SEPTIN7: variants seen among roughly 807,000 people sequenced by gnomAD.
SEPTIN7 encodes septin 7.
A neutral mutation model predicts 63.3 loss-of-function variants in SEPTIN7; 10 were observed. That is an observed-to-expected ratio of 0.16 (90% CI 0.10 to 0.27). SEPTIN7 has a LOEUF of 0.27. Ranked by LOEUF, SEPTIN7 falls within the 10% of genes least tolerant of loss-of-function variation. The pLI is 1.00. For synonymous variants in SEPTIN7, 131 were observed against 165.3 expected (o/e 0.79, Z 1.59); for missense variants, 310 against 521.0 (o/e 0.59, Z 3.94).
At chr7:35,896,648 TGA>T (rs1020169799) in intron 11 of SEPTIN7, among the ~76,000 whole-genome samples, 41 of 152,322 alleles carry the variant, frequency 2.7e-4, no homozygotes, top group African/African-American at 9.1e-4. Context: ...TATTTACACT[TGA>T]AAATGTTTTT....
chr7:35,816,745 G>T (rs1012299899), intron 1 of SEPTIN7, among the ~76,000 whole-genome samples: 37 of 152,086 alleles, frequency 2.4e-4, no homozygotes, highest in African/African-American at 8.2e-4. Flanking sequence ...ACTTGTTATT[G>T]CCTGTGTTTT....
chr7:35,840,788 T>A (rs1280307645), intron 3 of SEPTIN7, among the ~76,000 whole-genome samples: 1 of 152,160 alleles, frequency 6.6e-6, no homozygotes, highest in African/African-American at 2.4e-5. Context: ...AGTATACACA[T>A]AACTATACCA....
At chr7:35,803,179 T>C in intron 1 of SEPTIN7, 1 of 946,274 alleles carries the variant, frequency 1.1e-6, no homozygotes, top group Non-Finnish European at 1.3e-6. Flanking sequence ...GGTTTGGAGA[T>C]ATTTGATGCA....
At chr7:35,826,612 T>A (rs1783529393) in intron 1 of SEPTIN7, among the ~76,000 whole-genome samples, 1 of 152,032 alleles carries the variant, frequency 6.6e-6, no homozygotes, top group Non-Finnish European at 1.5e-5. Context: ...CATCTCATTT[T>A]GTAATGATAT....
chr7:35,881,264 A>G (rs1786856158), intron 7 of SEPTIN7, among the ~76,000 whole-genome samples: 1 of 151,992 alleles, frequency 6.6e-6, no homozygotes, highest in Middle Eastern at 3.4e-3. Context: ...CTAAGTTTCA[A>G]ACACTATCAT....
rs1788508701 is a variant in SEPTIN7, at chr7:35,904,576, G to A, written c.*283G>A. 1.2e-5 allele frequency: 3 copies of A among 248,062 alleles called. No individual in the cohort carries two copies. Among genetic ancestry groups the A allele is most frequent in the African/African-American group, 2.2e-5 (1 of 44,932 alleles). 15.4% of individuals were successfully genotyped at this position (248,062 alleles called of 1,614,324 possible). A position where few individuals can be genotyped will look rare whatever the true frequency, so the allele number is the denominator to read the frequency against. On this transcript the variant is annotated 3_prime_UTR_variant, in exon 14 of 14. Coordinates refer to ENST00000350320, the MANE Select transcript of SEPTIN7 (RefSeq NM_001788.6). ...GTTTAATGCAAGAGAACATTTTACTGTTGTACAATCATGTTCTGGTGGTTT... is the reference window on the plus strand; with the variant it reads ...GTTTAATGCAAGAGAACATTTTACTATTGTACAATCATGTTCTGGTGGTTT...
chr7:35,823,523 T>G (rs1286331502), intron 1 of SEPTIN7, among the ~76,000 whole-genome samples: 3 of 152,154 alleles, frequency 2.0e-5, no homozygotes, highest in South Asian at 4.1e-4. Context: ...ACTGTCTTCT[T>G]TACTTCCTGC....
chr7:35,877,380 A>T (rs950774518), intron 6 of SEPTIN7, among the ~76,000 whole-genome samples: 25 of 152,178 alleles, frequency 1.6e-4, no homozygotes, highest in African/African-American at 6.0e-4. Context: ...AGTAAAGTAT[A>T]TACAGTAATC....
chr7:35,804,249 G>C (rs1788185637), intron 1 of SEPTIN7, among the ~76,000 whole-genome samples: 1 of 152,176 alleles, frequency 6.6e-6, no homozygotes, highest in Admixed American at 6.5e-5. Flanking sequence ...CAGAAACCAG[G>C]GTGGCTTCCA....
chr7:35,892,834 A>T lies in SEPTIN7; in HGVS notation c.998+2041A>T, dbSNP rs893688268. On this transcript the variant is annotated intron_variant, in intron 11 of 13. Transcript: ENST00000350320. ...GAGGAATCATGACCATACTTTGCCTATGCAAATAAAAAAAGAAATGTTTGC... is the reference window on the plus strand; with the variant it reads ...GAGGAATCATGACCATACTTTGCCTTTGCAAATAAAAAAAGAAATGTTTGC... 3.3e-5 allele frequency among the ~76,000 whole-genome samples: 5 copies of T among 152,164 alleles called. 1 individual carries two copies. Among genetic ancestry groups the T allele is most frequent in the Non-Finnish European group, 5.9e-5 (4 of 67,988 alleles).
downstream of SEPTIN7, among the ~76,000 whole-genome samples, chr7:35,911,620 G>A (rs975956301): frequency 2.9e-4 from 44 of 152,146 alleles, no homozygotes; most frequent in South Asian, 4.1e-4. Flanking sequence ...TGAACAAAAC[G>A]GCCAGATGGT....
rs1364177829 is a variant in SEPTIN7 at position 35,903,084 on chromosome 7, G to A, written c.1143G>A (p.Arg381=). Residue 381 remains arginine, a synonymous_variant, in exon 13 of 14, where the codon CGG becomes CGA. Coordinates refer to ENST00000350320, the MANE Select transcript of SEPTIN7 (RefSeq NM_001788.6). ...ATTGTGCTATGATTTAGCTCCAGCG[G>A]CGCCATGAGCAAATGAAAAAGAATT... ...KLKDSEAELQ[R]RHEQMKKNLE... 1.9e-6 allele frequency: 3 copies of A among 1,545,014 alleles called. No individual in the cohort carries two copies. Among genetic ancestry groups the A allele is most frequent in the East Asian group, 4.8e-5 (2 of 41,288 alleles).
the SEPTIN7 span, among the ~76,000 whole-genome samples, chr7:35,914,356 TTTAGATCAG>T: frequency 6.6e-6 from 1 of 152,210 alleles, no homozygotes; most frequent in African/African-American, 2.4e-5. Flanking sequence ...AAGATTAACA[TTTAGATCAG>T]TGTACTTTGA....
At chr7:35,887,724 A>C (rs1393674803) in intron 10 of SEPTIN7, among the ~76,000 whole-genome samples, 4 of 152,246 alleles carry the variant, frequency 2.6e-5, no homozygotes, top group African/African-American at 7.2e-5. Context: ...TAAGCATTAC[A>C]GAGCAAATTG....
chr7:35,893,745 T>G (rs1218826752), intron 11 of SEPTIN7, among the ~76,000 whole-genome samples: 1 of 147,990 alleles, frequency 6.8e-6, no homozygotes, highest in Non-Finnish European at 1.5e-5. Flanking sequence ...AAAATGTGCC[T>G]TTCTGTTACG....
chr7:35,880,196 C>T (rs62452828), intron 7 of SEPTIN7, among the ~76,000 whole-genome samples: 53 of 79,536 alleles, frequency 6.7e-4, no homozygotes, highest in Middle Eastern at 7.2e-3. Flanking sequence ...TTTTTCTTTT[C>T]TCTTTTCTTT....
At chr7:35,817,393 T>G (rs996055822) in intron 1 of SEPTIN7, among the ~76,000 whole-genome samples, 1 of 152,112 alleles carries the variant, frequency 6.6e-6, no homozygotes, top group Non-Finnish European at 1.5e-5. Context: ...CATTTGTTTC[T>G]TATTGATCTA....
intron 10 of SEPTIN7, among the ~76,000 whole-genome samples, chr7:35,887,397 T>C (rs752082975): frequency 2.0e-5 from 3 of 152,248 alleles, no homozygotes; most frequent in Non-Finnish European, 4.4e-5. Context: ...TTGCCCAGGC[T>C]GGAGTGCAGT....
At chr7:35,868,651 G>C (rs1457655932) in intron 4 of SEPTIN7, among the ~76,000 whole-genome samples, 1 of 151,904 alleles carries the variant, frequency 6.6e-6, no homozygotes, top group African/African-American at 2.4e-5. Flanking sequence ...GAGTATAGAG[G>C]ACTCAGAGAG....
Sources: allele counts gnomAD v4.1 joint callset (sites outside exome capture counted in the v4.1 genomes callset), GRCh38; gene constraint gnomAD v4.1.1; transcripts MANE v1.5; gene names NCBI Gene and HGNC (gene_info 2026-07-23, HGNC 2026-07-21).